The following DISC1 variants were observed in gnomAD, a reference collection of about 807,000 sequenced individuals.
DISC1 encodes DISC1 scaffold protein.
DISC1 carries 57 observed loss-of-function variants against 84.5 expected under a neutral mutation model. The ratio of observed to expected loss-of-function variants is 0.67; its 90% CI spans 0.55 to 0.84. The LOEUF (loss-of-function observed/expected upper bound fraction) is 0.84, where lower values mean the gene tolerates loss of function less well. DISC1 is among the 40% of genes least tolerant of loss of function. The pLI is 0.00. For missense variants in DISC1, 1,000 were observed against 1,057.8 expected (o/e 0.95, Z 0.76); for synonymous variants, 411 against 415.2 (o/e 0.99, Z 0.12).
intron 9 of DISC1, among the ~76,000 whole-genome samples, chr1:231,925,495 A>G (rs972555894): frequency 6.6e-6 from 1 of 152,094 alleles, no homozygotes; most frequent in African/African-American, 2.4e-5. Flanking sequence ...GGACAAGATG[A>G]CCTCAGAGCT....
intron 11 of DISC1, among the ~76,000 whole-genome samples, chr1:232,013,992 T>C (rs1668257148): frequency 7.6e-6 from 1 of 132,404 alleles, no homozygotes; most frequent in Admixed American, 7.5e-5. Context: ...TCCAATCTCC[T>C]TTGGTTCAAA....
intron 1 of DISC1, among the ~76,000 whole-genome samples, chr1:231,667,832 A>G (rs1300266614): frequency 1.3e-5 from 2 of 152,096 alleles, no homozygotes; most frequent in East Asian, 1.9e-4. Flanking sequence ...TGCTTTTTCC[A>G]TTGTTGCCAA....
At chr1:231,652,376 T>A (rs1391245488) in intron 1 of DISC1, among the ~76,000 whole-genome samples, 1 of 152,242 alleles carries the variant, frequency 6.6e-6, no homozygotes, top group African/African-American at 2.4e-5. Context: ...CCATAGGTTT[T>A]CCAACTTGCT....
chr1:231,992,680 T>C (rs1278128657), intron 10 of DISC1, among the ~76,000 whole-genome samples: 1 of 152,208 alleles, frequency 6.6e-6, no homozygotes, highest in Non-Finnish European at 1.5e-5. Flanking sequence ...ATGTTGAGAC[T>C]TACCCTGAGA....
chr1:231,681,065 A>T (rs1243092807), intron 1 of DISC1, among the ~76,000 whole-genome samples: 1 of 152,250 alleles, frequency 6.6e-6, no homozygotes, highest in African/African-American at 2.4e-5. Flanking sequence ...TAAAAAATTC[A>T]TTAGAGACAC....
At chr1:232,006,811 C>T (rs1342521001) in intron 10 of DISC1, among the ~76,000 whole-genome samples, 1 of 152,164 alleles carries the variant, frequency 6.6e-6, no homozygotes, top group Non-Finnish European at 1.5e-5. Context: ...TAGGGCATGT[C>T]AGAGGTCTTC....
rs1487796765 is a variant in DISC1 at position 231,626,885 on chromosome 1, T to A, written c.18T>A (p.Pro6=). The A allele has an allele frequency of 6.7e-6, 10 of 1,492,284 alleles. No individual in the cohort carries two copies. Among genetic ancestry groups the A allele is most frequent in the Admixed American group, 4.7e-5 (2 of 42,894 alleles). The allele number at this position is 1,492,284 out of a possible 1,614,324, so 92.4% of individuals were successfully genotyped here. MPGGG[P]QGAPAAAGGG... Reference sequence around the variant, plus strand: ...CGGGGCGCATGCCAGGCGGGGGTCCTCAGGGCGCCCCAGCCGCCGCCGGCG... The same window carrying A: ...CGGGGCGCATGCCAGGCGGGGGTCCACAGGGCGCCCCAGCCGCCGCCGGCG... The change falls in exon 1 of 13, where the codon CCT becomes CCA. Residue 6 remains proline, a synonymous_variant. Coordinates refer to ENST00000439617, the MANE Select transcript of DISC1 (RefSeq NM_018662.3).
At chr1:231,641,532 G>A (rs116305197) in intron 1 of DISC1, among the ~76,000 whole-genome samples, 17,449 of 152,194 alleles carry the variant, frequency 0.11, 1,075 homozygotes, top group South Asian at 0.16. Context: ...AGCAAGGTTT[G>A]TTGCAAACAG....
At chr1:231,941,465 A>G (rs2002626) in intron 9 of DISC1, among the ~76,000 whole-genome samples, 19,008 of 150,554 alleles carry the variant, frequency 0.13, 1,691 homozygotes, top group East Asian at 0.41. Context: ...TGCTCTCCCC[A>G]TGAAACTTCA....
intron 1 of DISC1, among the ~76,000 whole-genome samples, chr1:231,641,563 A>G (rs2059678196): frequency 6.6e-6 from 1 of 152,208 alleles, no homozygotes; most frequent in Non-Finnish European, 1.5e-5. Context: ...AAGCTTCCAC[A>G]ATGTGCAAAG....
chr1:231,764,476 A>G (rs1358927629), intron 4 of DISC1, among the ~76,000 whole-genome samples: 2 of 152,188 alleles, frequency 1.3e-5, no homozygotes, highest in East Asian at 3.8e-4. Context: ...TATTTTATGT[A>G]CATGTTATTA....
At chr1:231,713,715 TATATATATAGGAGATATATAC>T (rs1558400917) in intron 3 of DISC1, among the ~76,000 whole-genome samples, 7 of 144,986 alleles carry the variant, frequency 4.8e-5, no homozygotes, top group South Asian at 2.1e-4. Flanking sequence ...TATATATATA[TATATATATAGGAGATATATAC>T]ATATATATAG....
At chr1:231,685,160 A>G (rs1049484361) in intron 1 of DISC1, 11 of 152,212 alleles carry the variant, frequency 7.2e-5, no homozygotes, top group African/African-American at 2.7e-4. Context: ...AGTGGGAAGG[A>G]CTGCTTCACT....
At chr1:231,914,072 C>A (rs569751332) in intron 9 of DISC1, among the ~76,000 whole-genome samples, 3 of 152,190 alleles carry the variant, frequency 2.0e-5, no homozygotes, top group Non-Finnish European at 4.4e-5. Context: ...GCTGGCATGG[C>A]GAGTCCCTGA....
chr1:231,991,858 A>G (rs759355493), intron 10 of DISC1, among the ~76,000 whole-genome samples: 1 of 152,124 alleles, frequency 6.6e-6, no homozygotes, highest in Non-Finnish European at 1.5e-5. Context: ...TCATGTATGG[A>G]CATATATGTC....
chr1:231,713,402 A>C (rs1340502534), intron 3 of DISC1, among the ~76,000 whole-genome samples: 1 of 152,172 alleles, frequency 6.6e-6, no homozygotes, highest in East Asian at 1.9e-4. Flanking sequence ...AACATGGACA[A>C]AGAACTAATG....
intron 1 of DISC1, among the ~76,000 whole-genome samples, chr1:231,646,678 A>G (rs1411121749): frequency 1.3e-5 from 2 of 152,204 alleles, no homozygotes; most frequent in Admixed American, 6.5e-5. Context: ...TCCCACCAAC[A>G]GTGTAAAAGC....
chr1:231,828,192 A>G (rs972834949), intron 9 of DISC1, among the ~76,000 whole-genome samples: 3 of 152,204 alleles, frequency 2.0e-5, no homozygotes, highest in Non-Finnish European at 4.4e-5. Flanking sequence ...CCCAAGAAAG[A>G]ACCAAATACA....
chr1:231,702,379 A>C, intron 3 of DISC1: 1 of 1,015,740 alleles, frequency 9.8e-7, no homozygotes, highest in Middle Eastern at 4.9e-4. Context: ...ATGCTAGGGA[A>C]TATGGGAGAC....
Sources: allele counts gnomAD v4.1 joint callset (sites outside exome capture counted in the v4.1 genomes callset), GRCh38; gene constraint gnomAD v4.1.1; transcripts MANE v1.5; gene names NCBI Gene and HGNC (gene_info 2026-07-23, HGNC 2026-07-21).